The following DLGAP4 variants were observed in gnomAD, a reference collection of about 807,000 sequenced individuals.
The protein encoded by DLGAP4 is DLG associated protein 4, also known as disks large-associated protein 4.
DLGAP4 carries 18 observed loss-of-function variants against 86.9 expected under a neutral mutation model. The observed-to-expected ratio is 0.21, with a 90% CI of 0.14 to 0.31. The LOEUF (loss-of-function observed/expected upper bound fraction) is 0.31. DLGAP4 is among the 10% of genes least tolerant of loss of function. DLGAP4 has a pLI of 1.00. For missense variants in DLGAP4, 1,085 were observed against 1,362.6 expected (o/e 0.80, Z 3.21); for synonymous variants, 548 against 574.3 (o/e 0.95, Z 0.65).
At chr20:36,420,872 C>T (rs1042931524) in intron 2 of DLGAP4, among the ~76,000 whole-genome samples, 1 of 152,074 alleles carries the variant, frequency 6.6e-6, no homozygotes, top group East Asian at 1.9e-4. Context: ...ACTCTGGAGG[C>T]TGAGGCAGGA....
chr20:36,525,963 A>G lies in DLGAP4; in HGVS notation c.2717A>G (p.Lys906Arg), dbSNP rs1490446017. ...AAGTTCGATGAACTCTACCACCTCAAGGCCAACAGCTGGCAGCTGGTGGAG... is the reference window on the plus strand; with the variant it reads ...AAGTTCGATGAACTCTACCACCTCAGGGCCAACAGCTGGCAGCTGGTGGAG... ...SMKFDELYHL[K>R]ANSWQLVETP... The change falls in exon 12 of 13, where the codon AAG (lysine) becomes AGG (arginine). Residue 906 changes from lysine (K) to arginine (R), a missense_variant. By Grantham distance (26) the Lys-to-Arg change is conservative (BLOSUM62 2). This residue lies in a region of DLGAP4 where 1,082 missense variants were observed against 1,344.1 expected (regional missense o/e 0.81). Coordinates refer to ENST00000339266, the MANE Select transcript of DLGAP4 (RefSeq NM_001365621.2). 1.2e-6 allele frequency: 2 copies of G among 1,613,896 alleles called. No individual in the cohort carries two copies. The highest frequency in any genetic ancestry group is 1.1e-5 in the South Asian group (1 of 91,068).
rs2030139478 is a variant in DLGAP4, at chr20:36,351,189, C to A, written c.-303-15856C>A. Among the ~76,000 whole-genome samples the A allele has an allele frequency of 2.0e-5, 3 of 152,222 alleles. No individual in the cohort carries two copies. The South Asian group carries it at 6.2e-4, about 31-fold the overall frequency. The stretch of plus-strand genomic sequence containing the variant: ...CCCACTCTGTTGGGATTACTGCCAT[C>A]TTTGTGCCATCTTTTCTGGGAGGGC... On this transcript the variant is annotated intron_variant, in intron 1 of 12. Transcript: ENST00000339266.
intron 11 of DLGAP4, 110 bp from the exon 12 acceptor site, chr20:36,525,741 G>A: frequency 1.4e-6 from 2 of 1,458,182 alleles, no homozygotes; most frequent in Non-Finnish European, 1.9e-6. Flanking sequence ...GGCCTCAAGA[G>A]CCCCCGCGGG....
intron 7 of DLGAP4, among the ~76,000 whole-genome samples, chr20:36,474,686 C>A (rs944225362): frequency 6.6e-6 from 1 of 152,156 alleles, no homozygotes; most frequent in African/African-American, 2.4e-5. Context: ...AGGGCTGCCA[C>A]CGTTGCTGCT....
chr20:36,528,175 C>CCCG lies in DLGAP4; in HGVS notation c.*1144_*1145insCCG, dbSNP rs1407051942. 2.1e-5 allele frequency: 3 copies of CCCG among 144,842 alleles called. No individual in the cohort carries two copies. The highest frequency in any genetic ancestry group is 8.3e-5 in the African/African-American group (3 of 35,956). The allele number at this position is 144,842 out of a possible 1,614,324, so 9.0% of individuals were successfully genotyped here. ...TCTCCACCCCCCTCCCCCCGCCCCGCACTCCTAAGGGCCCATCTGCCCAGC... is the reference window on the plus strand; with the variant it reads ...TCTCCACCCCCCTCCCCCCGCCCCGCCCGACTCCTAAGGGCCCATCTGCCCAGC... On this transcript the variant is annotated 3_prime_UTR_variant, in exon 13 of 13. Transcript: ENST00000339266.
At chr20:36,352,569 G>T (rs2030194934) in intron 1 of DLGAP4, among the ~76,000 whole-genome samples, 1 of 152,140 alleles carries the variant, frequency 6.6e-6, no homozygotes, top group African/African-American at 2.4e-5. Context: ...AGACGGGAAA[G>T]TTTTTGTCCC....
At position 36,509,629 on chromosome 20, in the gene DLGAP4, A is replaced by T. The variant is rs1191357950; in HGVS notation, c.2512+9018A>T. Among the ~76,000 whole-genome samples, 3 of 152,142 alleles carry T rather than the reference A, an allele frequency of 2.0e-5. No homozygotes were observed. The East Asian group carries it at 5.8e-4, about 29-fold the overall frequency. Reference sequence around the variant, plus strand: ...GCTGAGCATTGTGGTGTACACCTGTAGTCCCAGTTACTCAGGAGACTAAGG... The same window carrying T: ...GCTGAGCATTGTGGTGTACACCTGTTGTCCCAGTTACTCAGGAGACTAAGG... On this transcript the variant is annotated intron_variant, in intron 10 of 12. Coordinates refer to ENST00000339266, the MANE Select transcript of DLGAP4 (RefSeq NM_001365621.2).
intron 1 of DLGAP4, among the ~76,000 whole-genome samples, chr20:36,353,902 G>A (rs944354876): frequency 9.2e-5 from 14 of 152,232 alleles, no homozygotes; most frequent in Admixed American, 9.2e-4. Context: ...ATGTCCATCT[G>A]AGTCAGAGAG....
At chr20:36,512,208 G>A (rs1166613970) in intron 10 of DLGAP4, among the ~76,000 whole-genome samples, 1 of 151,420 alleles carries the variant, frequency 6.6e-6, no homozygotes, top group Non-Finnish European at 1.5e-5. Context: ...CCACCACCTC[G>A]CCCAGCTAAT....
intron 7 of DLGAP4, among the ~76,000 whole-genome samples, chr20:36,456,001 A>G (rs2033869045): frequency 6.6e-6 from 1 of 152,136 alleles, no homozygotes; most frequent in Admixed American, 6.6e-5. Context: ...GACTTCAACC[A>G]TGTGTCATCT....
chr20:36,413,419 T>TA (rs1356562655), intron 2 of DLGAP4, among the ~76,000 whole-genome samples: 12 of 134,488 alleles, frequency 8.9e-5, no homozygotes, highest in African/African-American at 3.1e-4. Flanking sequence ...TGGACTTTTT[T>TA]TTTTTTTTTT....
chr20:36,478,887 T>G (rs753971313), intron 7 of DLGAP4, among the ~76,000 whole-genome samples: 1 of 152,150 alleles, frequency 6.6e-6, no homozygotes, highest in Non-Finnish European at 1.5e-5. Flanking sequence ...GGGGATCAAA[T>G]GTAAGATGCA....
At chr20:36,482,683 T>C (rs537242681) in intron 7 of DLGAP4, among the ~76,000 whole-genome samples, 1 of 152,084 alleles carries the variant, frequency 6.6e-6, no homozygotes, top group Non-Finnish European at 1.5e-5. Context: ...TTTGTTTTTG[T>C]TTTTTTGAGA....
chr20:36,376,665 G>A (rs1005562621), intron 2 of DLGAP4, among the ~76,000 whole-genome samples: 7 of 151,994 alleles, frequency 4.6e-5, no homozygotes, highest in African/African-American at 1.5e-4. Context: ...GGGGCCCTGT[G>A]GACCAATGTT....
At chr20:36,477,628 C>T (rs1178177194) in intron 7 of DLGAP4, among the ~76,000 whole-genome samples, 3 of 152,290 alleles carry the variant, frequency 2.0e-5, no homozygotes, top group South Asian at 2.1e-4. Flanking sequence ...TCATTAGCTA[C>T]TTGCTCTAGG....
Position 36,430,648 on chromosome 20 carries a change from CAA to C in DLGAP4, c.-72-975_-72-974del, listed in dbSNP as rs5841233. Reference sequence around the variant, plus strand: ...CAGTGAGCTGTCTGTGACCTTGTTGCAAAAAAAAAAAAAAAAAAAAAAAAGGC... The same window carrying C: ...CAGTGAGCTGTCTGTGACCTTGTTGCAAAAAAAAAAAAAAAAAAAAAAGGC... On this transcript the variant is annotated intron_variant, in intron 2 of 12. Coordinates refer to ENST00000339266, the MANE Select transcript of DLGAP4 (RefSeq NM_001365621.2). Among the ~76,000 whole-genome samples the C allele has an allele frequency of 4.7e-3, 279 of 58,954 alleles. 1 individual carries two copies. The highest frequency in any genetic ancestry group is 0.014 in the South Asian group (19 of 1,362). 38.7% of individuals were successfully genotyped at this position (58,954 alleles called of 152,430 possible). A position where few individuals can be genotyped will look rare whatever the true frequency, so the allele number is the denominator to read the frequency against.
chr20:36,434,927 G>C (rs953235846), intron 3 of DLGAP4, among the ~76,000 whole-genome samples: 7 of 152,200 alleles, frequency 4.6e-5, no homozygotes, highest in Non-Finnish European at 8.8e-5. Context: ...GCAGTCTGGT[G>C]AGGGGTATGC....
In DLGAP4 at chr20:36,527,042, G is replaced by A. The variant is rs546192667; in HGVS notation, c.*11G>A. The A allele has an allele frequency of 2.3e-4, 365 of 1,572,456 alleles. 3 individuals are homozygous for A. In the South Asian group the frequency reaches 3.9e-3, roughly 17 times the overall value. On this transcript the variant is annotated 3_prime_UTR_variant, in exon 13 of 13. Coordinates refer to ENST00000339266, the MANE Select transcript of DLGAP4 (RefSeq NM_001365621.2). ...CAGACCAGGCTCTGAGACCATGCAG[G>A]AGGAAAGAAACGATTTTAAATCATT...
At chr20:36,461,965 T>C in intron 7 of DLGAP4, 1 of 984,904 alleles carries the variant, frequency 1.0e-6, no homozygotes, top group Non-Finnish European at 1.2e-6. Context: ...GACCCCACTC[T>C]TCGGGACTCC....
Sources: allele counts gnomAD v4.1 joint callset (sites outside exome capture counted in the v4.1 genomes callset), GRCh38; gene constraint gnomAD v4.1.1; regional missense constraint gnomAD v4.1.1; transcripts MANE v1.5; gene names NCBI Gene and HGNC (gene_info 2026-07-23, HGNC 2026-07-21).